Variants in RBFOX1 observed in about 807,000 individuals in gnomAD.
RBFOX1 encodes RNA binding fox-1 homolog 1.
A neutral mutation model predicts 57.7 loss-of-function variants in RBFOX1; 8 were observed. The ratio of observed to expected loss-of-function variants is 0.14; its 90% CI spans 0.08 to 0.25. The LOEUF (loss-of-function observed/expected upper bound fraction) is 0.25, where lower values mean the gene tolerates loss of function less well. RBFOX1 is among the 10% of genes least tolerant of loss of function. The pLI, the probability that RBFOX1 is intolerant of heterozygous loss-of-function variation, is 1.00. For synonymous variants in RBFOX1, 326 were observed against 222.4 expected (o/e 1.47, Z -4.15); for missense variants, 611 against 548.5 (o/e 1.11, Z -1.14).
intron 2 of RBFOX1, among the ~76,000 whole-genome samples, chr16:6,585,546 A>T (rs1392555959): frequency 2.0e-5 from 3 of 152,062 alleles, no homozygotes; most frequent in Admixed American, 6.5e-5. Context: ...TGCCTCTGTG[A>T]CTTTGAGATC....
At chr16:6,949,033 A>G (rs561198495) in intron 3 of RBFOX1, among the ~76,000 whole-genome samples, 1 of 152,192 alleles carries the variant, frequency 6.6e-6, no homozygotes, top group African/African-American at 2.4e-5. Context: ...ATTCGACTCT[A>G]TGGAGTGTGA....
intron 5 of RBFOX1, among the ~76,000 whole-genome samples, chr16:7,560,923 C>A (rs2090180217): frequency 6.6e-6 from 1 of 152,184 alleles, no homozygotes; most frequent in African/African-American, 2.4e-5. Flanking sequence ...ATATTCCCGT[C>A]TGGCCGAATT....
intron 4 of RBFOX1, among the ~76,000 whole-genome samples, chr16:7,513,107 C>CA (rs1567603345): frequency 1.3e-5 from 2 of 151,972 alleles, no homozygotes; most frequent in South Asian, 2.1e-4. Flanking sequence ...ACTAAAAATA[C>CA]AAAAAATTAG....
chr16:7,110,530 A>G (rs2064528552), intron 4 of RBFOX1, among the ~76,000 whole-genome samples: 1 of 152,192 alleles, frequency 6.6e-6, no homozygotes, highest in Admixed American at 6.5e-5. Flanking sequence ...GGTTATTTTA[A>G]CAATAAAATC....
At chr16:6,066,551 G>C (rs921772701) in intron 1 of RBFOX1, among the ~76,000 whole-genome samples, 1 of 152,104 alleles carries the variant, frequency 6.6e-6, no homozygotes, top group Admixed American at 6.6e-5. Context: ...GTTGAGCATG[G>C]ATGCCATTTA....
chr16:7,339,824 G>C (rs1282910042), intron 4 of RBFOX1, among the ~76,000 whole-genome samples: 1 of 152,166 alleles, frequency 6.6e-6, no homozygotes, highest in African/African-American at 2.4e-5. Context: ...AAAGCATCTA[G>C]CTCCAGCTTC....
At chr16:6,554,909 A>G (rs1487773280) in intron 2 of RBFOX1, among the ~76,000 whole-genome samples, 1 of 152,182 alleles carries the variant, frequency 6.6e-6, no homozygotes, top group Admixed American at 6.5e-5. Context: ...AGCCCAGAGT[A>G]TGCTTTTTCT....
chr16:5,699,702 C>G (rs1369761892), intron 3 of RBFOX1, among the ~76,000 whole-genome samples: 3 of 152,298 alleles, frequency 2.0e-5, no homozygotes, highest in East Asian at 3.9e-4. Flanking sequence ...TTGCATCCTA[C>G]AATGCACAGG....
intron 5 of RBFOX1, among the ~76,000 whole-genome samples, chr16:7,521,185 G>C (rs1353609378): frequency 6.6e-6 from 1 of 152,178 alleles, no homozygotes; most frequent in Non-Finnish European, 1.5e-5. Flanking sequence ...ACAGTCAGAG[G>C]TCTTAAAGTT....
downstream of RBFOX1, chr16:5,601,380 G>C (rs1014955590): frequency 6.6e-6 from 1 of 152,364 alleles, no homozygotes; most frequent in African/African-American, 2.4e-5. Context: ...TGAGAGATCT[G>C]AGAGATTAAG....
chr16:5,350,637 G>A (rs1258388776), intron 1 of RBFOX1, among the ~76,000 whole-genome samples: 3 of 152,278 alleles, frequency 2.0e-5, no homozygotes, highest in South Asian at 2.1e-4. Flanking sequence ...AGGCCAAAGC[G>A]GGCGGATCAC....
intron 3 of RBFOX1, among the ~76,000 whole-genome samples, chr16:6,975,308 C>T (rs182646980): frequency 2.0e-5 from 3 of 152,136 alleles, no homozygotes; most frequent in East Asian, 1.9e-4. Flanking sequence ...TTCTGTCACC[C>T]AGGCTGGAGT....
intron 3 of RBFOX1, among the ~76,000 whole-genome samples, chr16:5,843,479 T>C (rs927151638): frequency 2.0e-5 from 3 of 152,230 alleles, no homozygotes; most frequent in African/African-American, 7.2e-5. Flanking sequence ...TTCTTTCTTA[T>C]GGCTGCATAG....
intron 4 of RBFOX1, among the ~76,000 whole-genome samples, chr16:7,330,539 GA>G (rs2096675165): frequency 6.6e-6 from 1 of 150,460 alleles, no homozygotes; most frequent in African/African-American, 2.5e-5. Flanking sequence ...GAGAGAGAGA[GA>G]GAGAGAGAAA....
chr16:7,062,483 A>G (rs2054676083), intron 4 of RBFOX1, among the ~76,000 whole-genome samples: 1 of 151,780 alleles, frequency 6.6e-6, no homozygotes, highest in African/African-American at 2.4e-5. Flanking sequence ...TCTGCAGTAT[A>G]TGCTTCCTTG....
chr16:6,937,905 C>G (rs1204228294), intron 3 of RBFOX1, among the ~76,000 whole-genome samples: 2 of 137,912 alleles, frequency 1.5e-5, no homozygotes, highest in Admixed American at 8.5e-5. Context: ...TGAGGCATTC[C>G]TATCATGGTC....
intron 3 of RBFOX1, among the ~76,000 whole-genome samples, chr16:6,662,801 A>C (rs1407377356): frequency 9.4e-6 from 1 of 106,754 alleles, no homozygotes; most frequent in East Asian, 2.4e-4. Flanking sequence ...TACTTTCTAC[A>C]TATGACAAAA....
intron 2 of RBFOX1, among the ~76,000 whole-genome samples, chr16:6,585,105 C>A (rs1861214): frequency 0.48 from 72,984 of 151,962 alleles, 17,983 homozygotes; most frequent in East Asian, 0.67. Flanking sequence ...TCATAATACA[C>A]AATGGTTAGC....
At chr16:6,585,138 T>C (rs867358256) in intron 2 of RBFOX1, among the ~76,000 whole-genome samples, 14 of 152,282 alleles carry the variant, frequency 9.2e-5, no homozygotes, top group Middle Eastern at 3.4e-3. Context: ...GGCAGCCTCA[T>C]GCAAAGAAAA....
Sources: allele counts gnomAD v4.1 joint callset (sites outside exome capture counted in the v4.1 genomes callset), GRCh38; gene constraint gnomAD v4.1.1; transcripts MANE v1.5; gene names NCBI Gene and HGNC (gene_info 2026-07-23, HGNC 2026-07-21).